The following NTM variants were observed in gnomAD, a reference collection of about 807,000 sequenced individuals.
The protein encoded by NTM is neurotrimin, also known as IgLON family member 2.
In NTM, 13 loss-of-function variants were observed where a neutral mutation model predicts 42.1. That is an observed-to-expected ratio of 0.31 (90% CI 0.20 to 0.49). The LOEUF (loss-of-function observed/expected upper bound fraction) is 0.49, where lower values mean the gene tolerates loss of function less well. NTM is among the 20% of genes least tolerant of loss of function. The pLI, the probability that NTM is intolerant of heterozygous loss-of-function variation, is 0.99. For synonymous variants in NTM, 187 were observed against 179.2 expected, an observed-to-expected ratio of 1.04 and a Z score of -0.35; for missense variants, 373 against 452.8, an observed-to-expected ratio of 0.82 and a Z score of 1.60.
intron 1 of NTM, among the ~76,000 whole-genome samples, chr11:131,609,719 T>A (rs1325908973): frequency 6.6e-6 from 1 of 152,242 alleles, no homozygotes; most frequent in Non-Finnish European, 1.5e-5. Context: ...TGTAAATAAC[T>A]ACTCTCCTTT....
chr11:131,557,779 T>G (rs1592045063), intron 1 of NTM, among the ~76,000 whole-genome samples: 3 of 151,444 alleles, frequency 2.0e-5, no homozygotes. Context: ...GAGTGGAGGG[T>G]GAGTAGTGGT....
chr11:131,590,538 G>GCAAA (rs2059271889), intron 1 of NTM, among the ~76,000 whole-genome samples: 1 of 152,210 alleles, frequency 6.6e-6, no homozygotes, highest in Non-Finnish European at 1.5e-5. Flanking sequence ...TGCCAAGCCA[G>GCAAA]GTGTCCCCTG....
At chr11:131,664,777 T>G (rs1303655671) in intron 1 of NTM, among the ~76,000 whole-genome samples, 1 of 136,976 alleles carries the variant, frequency 7.3e-6, no homozygotes, top group Admixed American at 7.4e-5. Flanking sequence ...TTTTTTTTTT[T>G]TTAGATTTTA....
chr11:131,930,536 A>C (rs1311421192), intron 2 of NTM, among the ~76,000 whole-genome samples: 1 of 152,212 alleles, frequency 6.6e-6, no homozygotes, highest in South Asian at 2.1e-4. Context: ...TGCATAATAT[A>C]TCTATGTATA....
intron 1 of NTM, among the ~76,000 whole-genome samples, chr11:131,410,275 C>T (rs994572263): frequency 1.3e-5 from 2 of 151,944 alleles, no homozygotes; most frequent in Admixed American, 6.6e-5. Context: ...GAGTTCAAGA[C>T]CAGCCTGGGC....
intron 1 of NTM, among the ~76,000 whole-genome samples, chr11:131,586,986 C>CA (rs1042190463): frequency 2.0e-5 from 3 of 151,968 alleles, no homozygotes; most frequent in Non-Finnish European, 4.4e-5. Flanking sequence ...AAGTGATGCT[C>CA]AATTGGGAGG....
At chr11:131,447,792 T>C (rs1285217902) in intron 1 of NTM, among the ~76,000 whole-genome samples, 1 of 152,128 alleles carries the variant, frequency 6.6e-6, no homozygotes, top group Non-Finnish European at 1.5e-5. Flanking sequence ...GATGTTTCAT[T>C]ATGAGATTTT....
chr11:131,652,579 A>G (rs2066638200), intron 1 of NTM, among the ~76,000 whole-genome samples: 1 of 152,220 alleles, frequency 6.6e-6, no homozygotes, highest in African/African-American at 2.4e-5. Flanking sequence ...AATACTTAGC[A>G]GCCCAACTTG....
At chr11:131,386,447 G>T (rs536974139) in intron 1 of NTM, among the ~76,000 whole-genome samples, 7 of 152,340 alleles carry the variant, frequency 4.6e-5, no homozygotes, top group African/African-American at 1.7e-4. Flanking sequence ...ATGGTTAAAA[G>T]GGTGAATTTT....
intron 1 of NTM, among the ~76,000 whole-genome samples, chr11:131,797,032 T>C (rs1185805178): frequency 1.3e-5 from 2 of 152,244 alleles, no homozygotes; most frequent in African/African-American, 4.8e-5. Context: ...CTAAAGGAAA[T>C]ATTAATACTT....
At chr11:132,275,712 A>ACG (rs2093686055) in intron 4 of NTM, among the ~76,000 whole-genome samples, 1 of 132,126 alleles carries the variant, frequency 7.6e-6, no homozygotes, top group African/African-American at 2.9e-5. Flanking sequence ...GTATATATAT[A>ACG]TGTATATATA....
chr11:131,683,508 G>A (rs1257775541), intron 1 of NTM, among the ~76,000 whole-genome samples: 2 of 152,212 alleles, frequency 1.3e-5, no homozygotes, highest in Non-Finnish European at 2.9e-5. Flanking sequence ...AGGGGAGGAG[G>A]CACATCAAGG....
intron 1 of NTM, among the ~76,000 whole-genome samples, chr11:131,820,457 GAAAT>G (rs1294263125): frequency 2.6e-5 from 4 of 152,098 alleles, no homozygotes; most frequent in African/African-American, 9.7e-5. Context: ...TATGTATTAT[GAAAT>G]AAATATGTAT....
chr11:131,915,113 C>T (rs1311768533), intron 2 of NTM, among the ~76,000 whole-genome samples: 1 of 152,202 alleles, frequency 6.6e-6, no homozygotes, highest in Non-Finnish European at 1.5e-5. Context: ...ACATTTACTC[C>T]TCACACCTCT....
chr11:131,496,089 A>G (rs1955310680), intron 1 of NTM, among the ~76,000 whole-genome samples: 1 of 152,212 alleles, frequency 6.6e-6, no homozygotes, highest in African/African-American at 2.4e-5. Context: ...CTTGATGAAG[A>G]GCTCAGAAGG....
At chr11:131,896,139 C>T (rs114920113) in intron 1 of NTM, among the ~76,000 whole-genome samples, 1,575 of 152,266 alleles carry the variant, frequency 0.01, 30 homozygotes, top group African/African-American at 0.036. Flanking sequence ...ATAAAGCTGG[C>T]TTCTGCATGT....
intron 1 of NTM, among the ~76,000 whole-genome samples, chr11:131,685,578 C>T (rs919141783): frequency 2.0e-5 from 3 of 152,218 alleles, no homozygotes; most frequent in Non-Finnish European, 2.9e-5. Flanking sequence ...CAGTGCTCCG[C>T]CCCCTCGTAG....
intron 2 of NTM, among the ~76,000 whole-genome samples, chr11:132,122,933 A>G (rs10894506): frequency 0.19 from 28,201 of 151,988 alleles, 2,764 homozygotes; most frequent in East Asian, 0.26. Context: ...CTAATTGGAA[A>G]CAAAAAGAGC....
intron 4 of NTM, among the ~76,000 whole-genome samples, chr11:132,221,435 T>A (rs1202719785): frequency 6.6e-6 from 1 of 152,206 alleles, no homozygotes; most frequent in African/African-American, 2.4e-5. Context: ...GCTAATGGGC[T>A]AATGTGGCAC....
Sources: allele counts gnomAD v4.1 joint callset (sites outside exome capture counted in the v4.1 genomes callset), GRCh38; gene constraint gnomAD v4.1.1; transcripts MANE v1.5; gene names NCBI Gene and HGNC (gene_info 2026-07-23, HGNC 2026-07-21).